RELN: variants seen among roughly 807,000 people sequenced by gnomAD.
The protein encoded by RELN is reelin.
RELN carries 108 observed loss-of-function variants against 427.6 expected under a neutral mutation model. The ratio of observed to expected loss-of-function variants is 0.25; its 90% CI spans 0.22 to 0.30. RELN has a LOEUF of 0.30. Among genes scored for constraint, RELN ranks in the 10% least tolerant of loss-of-function variants. The pLI is 1.00. For synonymous variants in RELN, 1,524 were observed against 1,513.4 expected, an observed-to-expected ratio of 1.01 and a Z score of -0.16; for missense variants, 3,715 against 4,302.8, an observed-to-expected ratio of 0.86 and a Z score of 3.82.
chr7:103,773,230 GCTCC>G (rs1471322616), intron 4 of RELN, among the ~76,000 whole-genome samples: 976 of 34,194 alleles, frequency 0.029, 95 homozygotes, highest in African/African-American at 0.13. Context: ...TCCCTCCCTC[GCTCC>G]CTCCCTGTCT....
chr7:103,847,965 C>G (rs760712714), intron 2 of RELN, among the ~76,000 whole-genome samples: 11 of 112,668 alleles, frequency 9.8e-5, no homozygotes, highest in Non-Finnish European at 1.8e-4. Context: ...AAAGAAAAGA[C>G]AAAGAATAAA....
chr7:103,597,607 A>C (rs970800005), intron 24 of RELN, among the ~76,000 whole-genome samples: 4 of 152,176 alleles, frequency 2.6e-5, no homozygotes, highest in Admixed American at 2.6e-4. Flanking sequence ...TGTCTCAAAA[A>C]AGAAAATAAA....
intron 4 of RELN, among the ~76,000 whole-genome samples, chr7:103,758,305 T>C (rs1791214460): frequency 6.6e-6 from 1 of 152,138 alleles, no homozygotes; most frequent in Non-Finnish European, 1.5e-5. Context: ...CCAAATGTCC[T>C]CAGACTGAAT....
chr7:103,765,658 C>G (rs1791410333), intron 4 of RELN, among the ~76,000 whole-genome samples: 1 of 152,192 alleles, frequency 6.6e-6, no homozygotes, highest in African/African-American at 2.4e-5. Flanking sequence ...TGCCCTCCTT[C>G]CCCAAGTGAT....
At chr7:103,680,509 C>CTT (rs75029362) in intron 11 of RELN, among the ~76,000 whole-genome samples, 2 of 144,780 alleles carry the variant, frequency 1.4e-5, no homozygotes, top group Non-Finnish European at 3.1e-5. Flanking sequence ...TCGAATTGGT[C>CTT]TTTTTTTTTT....
intron 34 of RELN, among the ~76,000 whole-genome samples, chr7:103,562,929 C>G (rs1830672956): frequency 6.6e-6 from 1 of 152,222 alleles, no homozygotes; most frequent in Non-Finnish European, 1.5e-5. Flanking sequence ...CAATTATATT[C>G]TGGCAACACT....
intron 2 of RELN, among the ~76,000 whole-genome samples, chr7:103,868,715 C>T (rs983323664): frequency 6.6e-6 from 1 of 152,138 alleles, no homozygotes; most frequent in East Asian, 1.9e-4. Flanking sequence ...CTTTCAAACG[C>T]TTTGCCTTAT....
intron 3 of RELN, among the ~76,000 whole-genome samples, chr7:103,818,533 T>C (rs1792937621): frequency 6.6e-6 from 1 of 152,166 alleles, no homozygotes; most frequent in South Asian, 2.1e-4. Context: ...AAAAATCATA[T>C]ATAGTTTTAT....
intron 6 of RELN, among the ~76,000 whole-genome samples, chr7:103,743,503 G>A (rs1455456700): frequency 1.3e-5 from 2 of 152,256 alleles, no homozygotes; most frequent in East Asian, 1.9e-4. Context: ...TCAGTGTGCT[G>A]TATTCAGGAA....
At chr7:103,673,070 T>C (rs1272563941) in intron 11 of RELN, among the ~76,000 whole-genome samples, 1 of 152,174 alleles carries the variant, frequency 6.6e-6, no homozygotes, top group African/African-American at 2.4e-5. Flanking sequence ...CAAAACTTAC[T>C]GTGAGAATCT....
At chr7:103,688,239 TCTAA>T (rs1833802908) in intron 10 of RELN, among the ~76,000 whole-genome samples, 2 of 152,092 alleles carry the variant, frequency 1.3e-5, no homozygotes, top group South Asian at 4.1e-4. Context: ...TAGCCACAAG[TCTAA>T]CTGAGCTCAG....
At chr7:103,855,445 T>G (rs1438676449) in intron 2 of RELN, among the ~76,000 whole-genome samples, 1 of 152,186 alleles carries the variant, frequency 6.6e-6, no homozygotes, top group African/African-American at 2.4e-5. Context: ...CTAAAATGGA[T>G]GGGTGCAGAC....
chr7:103,591,222 C>T lies in RELN; in HGVS notation c.3913-1394G>A, dbSNP rs1313271371. ...TTATTTCATTTGTTGGCGGGAGCCA[C>T]AAATTTTGTTGTAAAAGACTTTACT... On this transcript the variant is annotated intron_variant, in intron 27 of 64. Coordinates refer to ENST00000428762, the MANE Select transcript of RELN (RefSeq NM_005045.4). Among the ~76,000 whole-genome samples the T allele has an allele frequency of 2.0e-5, 3 of 152,118 alleles. No homozygotes were observed. In the East Asian group the frequency reaches 5.8e-4, roughly 29 times the overall value.
intron 12 of RELN, among the ~76,000 whole-genome samples, chr7:103,660,570 G>A (rs1220204682): frequency 6.6e-6 from 1 of 152,172 alleles, no homozygotes; most frequent in Non-Finnish European, 1.5e-5. Context: ...AATCGTCAAT[G>A]CTGAAGTTAG....
At chr7:103,948,390 G>C (rs1418425663) in intron 1 of RELN, among the ~76,000 whole-genome samples, 1 of 151,450 alleles carries the variant, frequency 6.6e-6, no homozygotes, top group Non-Finnish European at 1.5e-5. Context: ...AAATAATTTG[G>C]GGCCGAGTGT....
chr7:103,986,630 A>T (rs1211784612), intron 1 of RELN, among the ~76,000 whole-genome samples: 2 of 18,550 alleles, frequency 1.1e-4, no homozygotes, highest in Non-Finnish European at 1.7e-4. Context: ...TCTTTTAGGT[A>T]AAAAAAAAAA....
At chr7:103,935,486 C>T (rs1392751350) in intron 1 of RELN, among the ~76,000 whole-genome samples, 1 of 152,050 alleles carries the variant, frequency 6.6e-6, no homozygotes, top group Admixed American at 6.6e-5. Flanking sequence ...TGATACCTCC[C>T]CAACCCTAAA....
At chr7:103,687,871 C>A (rs957700522) in intron 10 of RELN, among the ~76,000 whole-genome samples, 8 of 152,060 alleles carry the variant, frequency 5.3e-5, no homozygotes, top group African/African-American at 1.9e-4. Context: ...TGTGCTATTG[C>A]CACTCTTGTC....
At position 103,480,462 on chromosome 7, in the gene RELN, T is replaced by G. The variant is rs79229415; in HGVS notation, c.10281-2068A>C. On this transcript the variant is annotated intron_variant, in intron 63 of 64. Transcript: ENST00000428762. ...TGCATACTAATGAATGCCTTAAAAC[T>G]CTTTGTGGCTCTTTTGAAAAGAAGT... 9.2e-3 allele frequency among the ~76,000 whole-genome samples: 1,397 copies of G among 152,298 alleles called. 19 individuals carry two copies. Among genetic ancestry groups the G allele is most frequent in the African/African-American group, 0.032 (1,328 of 41,570 alleles).
Sources: gnomAD v4.1 joint callset for allele counts (sites outside exome capture counted in the v4.1 genomes callset) on GRCh38, gnomAD v4.1.1 for gene constraint, MANE v1.5 for transcripts, NCBI Gene and HGNC (gene_info 2026-07-23, HGNC 2026-07-21) for gene names.